Variants in ZNF236 observed in about 807,000 individuals in gnomAD.
ZNF236 encodes regulated by glucose.
ZNF236 carries 50 observed loss-of-function variants against 191.2 expected under a neutral mutation model. The observed-to-expected ratio is 0.26, with a 90% CI of 0.21 to 0.33. The LOEUF (loss-of-function observed/expected upper bound fraction) is 0.33. Among genes scored for constraint, ZNF236 ranks in the 10% least tolerant of loss-of-function variants. ZNF236 has a pLI of 1.00. For synonymous variants in ZNF236, 907 were observed against 928.8 expected (o/e 0.98, Z 0.43); for missense variants, 1,754 against 2,374.5 (o/e 0.74, Z 5.43).
In ZNF236 at chr18:76,920,075, G is replaced by A. The variant is rs760272853; in HGVS notation, c.3557+17G>A. On this transcript the variant is annotated intron_variant, in intron 20 of 30. Transcript: ENST00000320610. ...CCTGGTGAGGTGAGGGCATGGCTAC[G>A]CCGCGCGGGTTCCGCTCTGAAGACT... is the stretch of plus-strand genomic sequence containing the variant. 13 of 1,605,558 alleles carry A rather than the reference G, an allele frequency of 8.1e-6. No individual in the cohort carries two copies. Among genetic ancestry groups the A allele is most frequent in the South Asian group, 3.3e-5 (3 of 90,468 alleles).
intron 1 of ZNF236, among the ~76,000 whole-genome samples, chr18:76,829,496 T>G (rs901001698): frequency 9.2e-5 from 14 of 152,018 alleles, no homozygotes; most frequent in Admixed American, 9.2e-4. Flanking sequence ...CCCGGCTAAT[T>G]TTTGTATTTT....
At chr18:76,965,226 C>T (rs2122978282) in intron 30 of ZNF236, among the ~76,000 whole-genome samples, 1 of 152,174 alleles carries the variant, frequency 6.6e-6, no homozygotes, top group East Asian at 1.9e-4. Flanking sequence ...TCTATTGTTT[C>T]CTGAAGTTTT....
intron 28 of ZNF236, among the ~76,000 whole-genome samples, chr18:76,959,460 C>T: frequency 6.6e-6 from 1 of 152,228 alleles, no homozygotes. Flanking sequence ...ATATAGCTAG[C>T]AGGCAGTAAA....
At chr18:76,948,233 A>G (rs2122921392) in intron 27 of ZNF236, among the ~76,000 whole-genome samples, 1 of 152,324 alleles carries the variant, frequency 6.6e-6, no homozygotes, top group South Asian at 2.1e-4. Context: ...TAAAGCACAG[A>G]TGATGAATAA....
At chr18:76,824,271 G>A (rs1974954314) in intron 1 of ZNF236, 2 of 777,568 alleles carry the variant, frequency 2.6e-6, no homozygotes, top group East Asian at 2.4e-5. Flanking sequence ...AATTCTTGTC[G>A]TGATTGCACT....
chr18:76,905,451 T>G (rs1269251244), intron 13 of ZNF236, 36 bp downstream of exon 13: 1 of 1,600,054 alleles, frequency 6.2e-7, no homozygotes. Context: ...TTTATCATCT[T>G]TATAATTTCC....
In ZNF236 at chr18:76,828,619, C is replaced by T. The variant is rs1166961740; in HGVS notation, c.55+5957C>T. 3.3e-5 allele frequency among the ~76,000 whole-genome samples: 5 copies of T among 152,156 alleles called. No homozygotes were observed. In the East Asian group the frequency reaches 9.6e-4, roughly 29 times the overall value. ...TCAGGTGTCTATCCAAGGATGAAAC[C>T]CTCCACTCTCCATAATTGAACTTTT... On this transcript the variant is annotated intron_variant, in intron 1 of 30. Transcript: ENST00000320610.
intron 19 of ZNF236, 67 bp downstream of exon 19, chr18:76,915,926 A>C (rs1568228380): frequency 6.8e-7 from 1 of 1,465,774 alleles, no homozygotes; most frequent in African/African-American, 1.4e-5. Flanking sequence ...TCCATTCACA[A>C]ATCACCGTGA....
chr18:76,936,246 G>A, intron 25 of ZNF236: 1 of 447,274 alleles, frequency 2.2e-6, no homozygotes. Flanking sequence ...CACAGTGGCT[G>A]GCACAAGTGG....
In ZNF236 at chr18:76,881,412, G is replaced by A. The variant is rs767695400; in HGVS notation, c.1317G>A (p.Thr439=). The part of the protein sequence containing the change: ...PDVSSVSNEQ[T]DPTDAEQEKE... Reference sequence around the variant, plus strand: ...TTTCCAGCGTTTCAAATGAGCAGACGGACCCCACAGACGCAGAGCAAGAAA... The same window carrying A: ...TTTCCAGCGTTTCAAATGAGCAGACAGACCCCACAGACGCAGAGCAAGAAA... Residue 439 remains threonine (T), a synonymous_variant, in exon 9 of 31, where the codon ACG becomes ACA. Coordinates refer to ENST00000320610, the MANE Select transcript of ZNF236 (RefSeq NM_001306089.2). The A allele has an allele frequency of 8.1e-6, 13 of 1,613,792 alleles. No homozygotes were observed. Among genetic ancestry groups the A allele is most frequent in the African/African-American group, 4.0e-5 (3 of 74,818 alleles).
chr18:76,927,145 G>A lies in ZNF236; in HGVS notation c.4136G>A (p.Gly1379Glu). 1 of 1,614,072 alleles carries A rather than the reference G, an allele frequency of 6.2e-7. No homozygotes were observed. Among genetic ancestry groups the A allele is most frequent in the Non-Finnish European group, 8.5e-7 (1 of 1,179,972 alleles). ...NLVGPNVQISGIDAASINNIT... is the reference protein window; with the variant it reads ...NLVGPNVQISEIDAASINNIT... ...GTTGGACCAAATGTACAGATTTCTG[G>A]AATCGATGCTGCCAGCATTAATAAC... The change falls in exon 23 of 31, where the codon GGA (glycine) becomes GAA (glutamate). Residue 1379 changes from glycine to glutamate, a missense_variant. By Grantham distance (98) the Gly-to-Glu change is moderately conservative (BLOSUM62 -2). Around this residue, in one of 5 missense-constraint regions of ZNF236, gnomAD observed 606 missense variants for 761.5 expected, o/e 0.80. Transcript: ENST00000320610. This position sits in a 1 kb window ranked among gnomAD's most constrained non-coding sequence, Gnocchi z 5.4.
At chr18:76,886,185 T>C (rs796564119) in intron 9 of ZNF236, 5 of 152,364 alleles carry the variant, frequency 3.3e-5, no homozygotes, top group African/African-American at 1.2e-4. Context: ...CCATTCTCAG[T>C]GGAGAAAGCC....
chr18:76,967,020 C>G (rs1044931833), intron 30 of ZNF236, among the ~76,000 whole-genome samples: 3 of 150,900 alleles, frequency 2.0e-5, no homozygotes, highest in African/African-American at 7.3e-5. Flanking sequence ...TGATGTGATT[C>G]GTGAAATGTG....
intron 10 of ZNF236, chr18:76,898,141 A>G (rs1441344632): frequency 1.3e-5 from 2 of 152,244 alleles, no homozygotes; most frequent in African/African-American, 4.8e-5. Context: ...TAGCTGGGCC[A>G]GGAGGAGGAC....
chr18:76,959,646 G>C, intron 28 of ZNF236, 41 bp from the exon 29 acceptor site: 1 of 1,572,016 alleles, frequency 6.4e-7, no homozygotes, highest in Non-Finnish European at 8.6e-7. Flanking sequence ...CTCGAAAGCT[G>C]TTTTGATCTT....
chr18:76,924,290 C>T (rs769654357), intron 21 of ZNF236, among the ~76,000 whole-genome samples: 38 of 152,224 alleles, frequency 2.5e-4, no homozygotes, highest in Admixed American at 1.9e-3. Context: ...GTGACGTCCA[C>T]GATGACTTGG....
Position 76,875,608 on chromosome 18 carries a change from G to A in ZNF236, c.784G>A (p.Ala262Thr). 6.2e-7 allele frequency: 1 copy of A among 1,602,472 alleles called. No individual in the cohort carries two copies. Among genetic ancestry groups the A allele is most frequent in the Non-Finnish European group, 8.5e-7 (1 of 1,173,834 alleles). ...EKPHACAFCP[A>T]AFSQKGNLQS... Reference sequence around the variant, plus strand: ...ACCCCATGCCTGTGCCTTCTGTCCTGCCGCCTTCTCTCAGAAAGGGAATCT... The same window carrying A: ...ACCCCATGCCTGTGCCTTCTGTCCTACCGCCTTCTCTCAGAAAGGGAATCT... The change falls in exon 6 of 31, where the codon GCC becomes ACC. Residue 262 changes from alanine to threonine, a missense_variant. Ala to Thr is a moderately conservative substitution (Grantham distance 58, BLOSUM62 0). Transcript: ENST00000320610. The surrounding 1 kb of genome is among the most constrained non-coding windows in gnomAD (Gnocchi z 4.3).
intron 1 of ZNF236, among the ~76,000 whole-genome samples, chr18:76,829,821 C>T (rs1333353486): frequency 2.0e-5 from 3 of 152,210 alleles, no homozygotes; most frequent in African/African-American, 7.2e-5. Context: ...CACAGGCCTT[C>T]CCCGCACTGT....
intron 3 of ZNF236, among the ~76,000 whole-genome samples, chr18:76,860,085 C>T (rs966631260): frequency 1.3e-5 from 2 of 152,050 alleles, no homozygotes; most frequent in Non-Finnish European, 2.9e-5. Context: ...GAAGCATGTG[C>T]TGTGGAATAA....
Sources: allele counts gnomAD v4.1 joint callset (sites outside exome capture counted in the v4.1 genomes callset), GRCh38; gene constraint gnomAD v4.1.1; regional missense constraint gnomAD v4.1.1; non-coding constraint Gnocchi (gnomAD v3.1); transcripts MANE v1.5; gene names NCBI Gene and HGNC (gene_info 2026-07-23, HGNC 2026-07-21).